The following AUTS2 variants were observed in gnomAD, a reference collection of about 807,000 sequenced individuals.
AUTS2 encodes autism susceptibility gene 2 protein.
AUTS2 carries 17 observed loss-of-function variants against 112.4 expected under a neutral mutation model. That is an observed-to-expected ratio of 0.15 (90% confidence interval 0.10 to 0.23). The LOEUF (loss-of-function observed/expected upper bound fraction) is 0.23. AUTS2 is among the 10% of genes least tolerant of loss of function. AUTS2 has a pLI of 1.00. For synonymous variants in AUTS2, 751 were observed against 702.7 expected (o/e 1.07, Z -1.09); for missense variants, 1,510 against 1,701.6 (o/e 0.89, Z 1.98).
At chr7:70,458,021 G>A (rs1796813860) in intron 5 of AUTS2, among the ~76,000 whole-genome samples, 1 of 149,124 alleles carries the variant, frequency 6.7e-6, no homozygotes, top group Non-Finnish European at 1.5e-5. Context: ...AGAAAAGGCT[G>A]AACACAAAGC....
chr7:69,802,401 A>G (rs895460398), intron 1 of AUTS2, among the ~76,000 whole-genome samples: 6 of 152,168 alleles, frequency 3.9e-5, no homozygotes, highest in East Asian at 1.9e-4. Context: ...ATGCAGTCTT[A>G]TCACAGTGTC....
intron 5 of AUTS2, among the ~76,000 whole-genome samples, chr7:70,484,346 C>T (rs1472245857): frequency 6.6e-6 from 1 of 152,218 alleles, no homozygotes; most frequent in Non-Finnish European, 1.5e-5. Flanking sequence ...GCCATTTCCA[C>T]TCTTAGAAGT....
intron 4 of AUTS2, among the ~76,000 whole-genome samples, chr7:70,329,013 T>A (rs2129619216): frequency 6.6e-6 from 1 of 152,316 alleles, no homozygotes; most frequent in African/African-American, 2.4e-5. Context: ...CAGATTTATC[T>A]ATTTTGGAAT....
At position 70,501,599 on chromosome 7, in the gene AUTS2, G is replaced by A. The variant is rs111721511; in HGVS notation, c.690+65818G>A. Among the ~76,000 whole-genome samples, 621 of 152,170 alleles carry A rather than the reference G, an allele frequency of 4.1e-3. 3 individuals carry two copies. Among genetic ancestry groups the A allele is most frequent in the African/African-American group, 0.014 (594 of 41,488 alleles). On this transcript the variant is annotated intron_variant, in intron 5 of 18. Coordinates refer to ENST00000342771, the MANE Select transcript of AUTS2 (RefSeq NM_015570.4). ...CATCACAGGCCTCTCTTCTTTCCTG[G>A]TTTTGTCGTTGGGTAGGGGTGGTGG...
chr7:70,561,404 TGCTTGAGGCCAAGA>T (rs1044910887), intron 5 of AUTS2, among the ~76,000 whole-genome samples: 5 of 152,188 alleles, frequency 3.3e-5, no homozygotes, highest in African/African-American at 1.2e-4. Context: ...GTGGTGGGAT[TGCTTGAGGCCAAGA>T]GCTTGAGGCC....
chr7:70,533,953 A>C (rs1208530161), intron 5 of AUTS2, among the ~76,000 whole-genome samples: 1 of 152,212 alleles, frequency 6.6e-6, no homozygotes, highest in Non-Finnish European at 1.5e-5. Flanking sequence ...CACTCTGCCT[A>C]CACAATGGTT....
chr7:70,741,324 T>A (rs1788092246), intron 6 of AUTS2, among the ~76,000 whole-genome samples: 1 of 151,212 alleles, frequency 6.6e-6, no homozygotes, highest in African/African-American at 2.4e-5. Context: ...GACCAAAAAT[T>A]TATCACTGAC....
At chr7:70,454,865 G>GCTGTGGCAAAGATGAAATGCAGGC (rs1796672302) in intron 5 of AUTS2, among the ~76,000 whole-genome samples, 1 of 152,148 alleles carries the variant, frequency 6.6e-6, no homozygotes, top group East Asian at 1.9e-4. Context: ...ACCTCCCAAG[G>GCTGTGGCAAAGATGAAATGCAGGC]CTGTGGCAAA....
chr7:70,171,339 T>C (rs1808675662), intron 4 of AUTS2, among the ~76,000 whole-genome samples: 1 of 152,174 alleles, frequency 6.6e-6, no homozygotes. Flanking sequence ...CACCTGTCCT[T>C]TACCCTTCGC....
intron 2 of AUTS2, among the ~76,000 whole-genome samples, chr7:69,911,704 G>A (rs1795366673): frequency 6.6e-6 from 1 of 152,170 alleles, no homozygotes; most frequent in Admixed American, 6.5e-5. Flanking sequence ...GTAGTCCGAT[G>A]TCTGTTTGAG....
intron 1 of AUTS2, among the ~76,000 whole-genome samples, chr7:69,683,528 G>A (rs1253991798): frequency 1.3e-5 from 2 of 152,066 alleles, no homozygotes; most frequent in African/African-American, 2.4e-5. Flanking sequence ...TACCATGATT[G>A]TGCCACTGCA....
At chr7:70,531,844 C>A (rs368149231) in intron 5 of AUTS2, among the ~76,000 whole-genome samples, 1 of 152,250 alleles carries the variant, frequency 6.6e-6, no homozygotes, top group South Asian at 2.1e-4. Context: ...AACAAACCCC[C>A]CCAAAACTTA....
chr7:70,086,943 A>G (rs995116685), intron 2 of AUTS2, among the ~76,000 whole-genome samples: 4 of 148,184 alleles, frequency 2.7e-5, no homozygotes, highest in African/African-American at 9.9e-5. Context: ...TTTTTTTTTT[A>G]ATCTGGATGC....
intron 1 of AUTS2, among the ~76,000 whole-genome samples, chr7:69,624,665 G>T (rs945316655): frequency 3.9e-5 from 6 of 152,194 alleles, no homozygotes; most frequent in African/African-American, 1.2e-4. Context: ...GTGGATGTGA[G>T]AGCTGCTCCC....
intron 5 of AUTS2, among the ~76,000 whole-genome samples, chr7:70,537,164 A>G (rs1585271073): frequency 6.6e-6 from 1 of 152,132 alleles, no homozygotes; most frequent in Non-Finnish European, 1.5e-5. Context: ...AAGGACAAGT[A>G]TATGTTCCCC....
At chr7:70,304,540 G>A (rs1468356800) in intron 4 of AUTS2, among the ~76,000 whole-genome samples, 1 of 152,038 alleles carries the variant, frequency 6.6e-6, no homozygotes, top group Non-Finnish European at 1.5e-5. Flanking sequence ...GAAAGTCTGA[G>A]GTGGTACTCA....
At chr7:69,930,030 A>G (rs1313144699) in intron 2 of AUTS2, among the ~76,000 whole-genome samples, 2 of 152,152 alleles carry the variant, frequency 1.3e-5, no homozygotes, top group African/African-American at 2.4e-5. Flanking sequence ...GGCATTTGTT[A>G]AGGGAAATCT....
chr7:69,693,447 G>T (rs1295823073), intron 1 of AUTS2, among the ~76,000 whole-genome samples: 1 of 152,234 alleles, frequency 6.6e-6, no homozygotes, highest in African/African-American at 2.4e-5. Flanking sequence ...ATATGGATTA[G>T]CAAAGGCTTT....
intron 2 of AUTS2, among the ~76,000 whole-genome samples, chr7:69,982,469 G>GA (rs145009418): frequency 0.35 from 53,454 of 150,948 alleles, 9,868 homozygotes; most frequent in African/African-American, 0.47. Flanking sequence ...TCCTGAGGGG[G>GA]GAAAAAAAAC....
Sources: allele counts gnomAD v4.1 joint callset (sites outside exome capture counted in the v4.1 genomes callset), GRCh38; gene constraint gnomAD v4.1.1; transcripts MANE v1.5; gene names NCBI Gene and HGNC (gene_info 2026-07-23, HGNC 2026-07-21).